The following LRMDA variants were observed in gnomAD, a reference collection of about 807,000 sequenced individuals.
LRMDA encodes leucine-rich melanocyte differentiation-associated protein.
A neutral mutation model predicts 29.8 loss-of-function variants in LRMDA; 18 were observed. The observed-to-expected ratio is 0.60, with a 90% CI of 0.42 to 0.90. LRMDA has a LOEUF of 0.90. Ranked by LOEUF, LRMDA falls within the 40% of genes least tolerant of loss-of-function variation. The pLI is 0.00. For synonymous variants in LRMDA, 125 were observed against 109.4 expected (o/e 1.14, Z -0.89); for missense variants, 273 against 273.9 (o/e 1.00, Z 0.02).
intron 6 of LRMDA, among the ~76,000 whole-genome samples, chr10:76,509,902 G>C (rs979411884): frequency 6.6e-6 from 1 of 152,190 alleles, no homozygotes; most frequent in South Asian, 2.1e-4. Flanking sequence ...TTTAAGCTGA[G>C]AGCCTGGGCT....
intron 5 of LRMDA, among the ~76,000 whole-genome samples, chr10:76,182,495 C>T (rs911428047): frequency 6.6e-5 from 10 of 152,166 alleles, no homozygotes; most frequent in Admixed American, 4.6e-4. Flanking sequence ...AATGAACAGA[C>T]GATGCTATTG....
chr10:76,508,350 G>A (rs1317806813), intron 6 of LRMDA, among the ~76,000 whole-genome samples: 1 of 152,070 alleles, frequency 6.6e-6, no homozygotes, highest in Admixed American at 6.5e-5. Flanking sequence ...AGTTATTACC[G>A]TGGTGTTTGC....
chr10:75,553,109 C>G (rs956792572), intron 2 of LRMDA, among the ~76,000 whole-genome samples: 8 of 151,832 alleles, frequency 5.3e-5, no homozygotes, highest in Non-Finnish European at 1.2e-4. Context: ...TGCTTTTTGT[C>G]TGATAATTTT....
chr10:75,897,818 T>TTTC (rs1845608859), intron 2 of LRMDA, among the ~76,000 whole-genome samples: 1 of 18,222 alleles, frequency 5.5e-5, no homozygotes. Context: ...TCTTCCTGCC[T>TTTC]TTTTTTTTTT....
intron 5 of LRMDA, among the ~76,000 whole-genome samples, chr10:76,251,883 G>C (rs1479247828): frequency 2.6e-5 from 4 of 152,162 alleles, no homozygotes; most frequent in African/African-American, 9.7e-5. Context: ...GTGGTGGAGC[G>C]TGTTAAATAC....
chr10:75,496,383 T>G (rs1285726646), intron 2 of LRMDA, among the ~76,000 whole-genome samples: 1 of 152,218 alleles, frequency 6.6e-6, no homozygotes, highest in Non-Finnish European at 1.5e-5. Context: ...AGAACACATG[T>G]AAAGTGCTTA....
intron 6 of LRMDA, among the ~76,000 whole-genome samples, chr10:76,445,368 G>T (rs1196618505): frequency 6.6e-6 from 1 of 152,130 alleles, no homozygotes; most frequent in African/African-American, 2.4e-5. Flanking sequence ...CAGGGTCTTG[G>T]CAAGAGCAGG....
In LRMDA at chr10:75,598,028, G is replaced by C. The variant is rs1024730513; in HGVS notation, c.131+159534G>C. The stretch of plus-strand genomic sequence containing the variant: ...AAATGGAGCTCAGTTCTCGGGGTTT[G>C]CTGCCCCCGTAGAGCCGGCATTGAT... On this transcript the variant is annotated intron_variant, in intron 2 of 6. Transcript: ENST00000611255. 2.2e-4 allele frequency among the ~76,000 whole-genome samples: 34 copies of C among 152,184 alleles called. 1 individual carries two copies. Among genetic ancestry groups the C allele is most frequent in the Non-Finnish European group, 8.8e-5 (6 of 68,038 alleles).
intron 2 of LRMDA, among the ~76,000 whole-genome samples, chr10:75,672,318 G>A (rs1038943293): frequency 4.6e-5 from 7 of 151,928 alleles, no homozygotes; most frequent in Admixed American, 2.6e-4. Flanking sequence ...TGTTGGCAAA[G>A]GATAGGCCCC....
chr10:75,771,637 A>G (rs1843242498), intron 2 of LRMDA, among the ~76,000 whole-genome samples: 1 of 151,896 alleles, frequency 6.6e-6, no homozygotes. Context: ...TCTGCTTAGG[A>G]GTTGGAATTT....
intron 2 of LRMDA, among the ~76,000 whole-genome samples, chr10:75,854,125 G>C (rs915673042): frequency 6.6e-6 from 1 of 152,158 alleles, no homozygotes; most frequent in Non-Finnish European, 1.5e-5. Context: ...TGTTGGACAT[G>C]CTGTGGGAGT....
chr10:76,197,804 C>T (rs1318919332), intron 5 of LRMDA, among the ~76,000 whole-genome samples: 1 of 152,004 alleles, frequency 6.6e-6, no homozygotes, highest in Non-Finnish European at 1.5e-5. Context: ...CCTGTAATCC[C>T]AGCTACTCGG....
At chr10:76,390,474 T>C (rs1379806746) in intron 6 of LRMDA, among the ~76,000 whole-genome samples, 3 of 151,458 alleles carry the variant, frequency 2.0e-5, no homozygotes, top group East Asian at 1.9e-4. Flanking sequence ...GTAGATAGCA[T>C]TGAAAGATTG....
rs553118860 is a variant in LRMDA at position 76,168,343 on chromosome 10, CTA to C, written c.516+109562_516+109563del. 2.8e-3 allele frequency among the ~76,000 whole-genome samples: 423 copies of C among 152,222 alleles called. 3 individuals carry two copies. Among genetic ancestry groups the C allele is most frequent in the African/African-American group, 9.7e-3 (403 of 41,562 alleles). On this transcript the variant is annotated intron_variant, in intron 5 of 6. Coordinates refer to ENST00000611255, the MANE Select transcript of LRMDA (RefSeq NM_001305581.2). ...GCCCATCTCAGTGACACCAGATTTCCTATGTTGATTGGGAAGCCATGCTCTGT... is the reference window on the plus strand; with the variant it reads ...GCCCATCTCAGTGACACCAGATTTCCTGTTGATTGGGAAGCCATGCTCTGT...
intron 5 of LRMDA, among the ~76,000 whole-genome samples, chr10:76,103,141 G>T (rs1342685343): frequency 1.3e-5 from 2 of 152,172 alleles, no homozygotes; most frequent in Non-Finnish European, 2.9e-5. Flanking sequence ...AGTAAGACAG[G>T]CAAGGAAGTC....
At chr10:75,538,313 G>A (rs548418820) in intron 2 of LRMDA, among the ~76,000 whole-genome samples, 3 of 152,288 alleles carry the variant, frequency 2.0e-5, no homozygotes, top group African/African-American at 7.2e-5. Context: ...CGATTTGGCC[G>A]AGTCCCTGCA....
At chr10:75,755,405 C>A (rs1239172172) in intron 2 of LRMDA, among the ~76,000 whole-genome samples, 1 of 152,206 alleles carries the variant, frequency 6.6e-6, no homozygotes, top group Non-Finnish European at 1.5e-5. Context: ...TGATTAGGAA[C>A]TCCATTAGTT....
intron 2 of LRMDA, among the ~76,000 whole-genome samples, chr10:75,921,626 G>A (rs1289703340): frequency 6.6e-6 from 1 of 152,202 alleles, no homozygotes; most frequent in Non-Finnish European, 1.5e-5. Flanking sequence ...GCATGCATGT[G>A]TGCATGTGGG....
intron 2 of LRMDA, among the ~76,000 whole-genome samples, chr10:75,853,987 A>G (rs1006927265): frequency 1.3e-5 from 2 of 152,156 alleles, no homozygotes; most frequent in Non-Finnish European, 2.9e-5. Context: ...TGCAGGACAG[A>G]GTGAGGCATC....
Sources: gnomAD v4.1 joint callset for allele counts (sites outside exome capture counted in the v4.1 genomes callset) on GRCh38, gnomAD v4.1.1 for gene constraint, MANE v1.5 for transcripts, NCBI Gene and HGNC (gene_info 2026-07-23, HGNC 2026-07-21) for gene names.